BCAS3: variants seen among roughly 807,000 people sequenced by gnomAD.
BCAS3 encodes the protein BCAS3 microtubule associated cell migration factor, also known as BCAS4/BCAS3 fusion.
In BCAS3, 53 loss-of-function variants were observed where a neutral mutation model predicts 116.1. The ratio of observed to expected loss-of-function variants is 0.46; its 90% CI spans 0.37 to 0.57. The LOEUF is 0.57. Ranked by LOEUF, BCAS3 falls within the 20% of genes least tolerant of loss-of-function variation. BCAS3 has a pLI of 0.00. For missense variants in BCAS3, 917 were observed against 1,165.4 expected, an observed-to-expected ratio of 0.79 and a Z score of 3.10; for synonymous variants, 391 against 408.2, an observed-to-expected ratio of 0.96 and a Z score of 0.51.
intron 22 of BCAS3, among the ~76,000 whole-genome samples, chr17:61,330,735 C>A (rs1274956259): frequency 1.3e-5 from 2 of 152,210 alleles, no homozygotes; most frequent in African/African-American, 4.8e-5. Flanking sequence ...AGGACTCCGG[C>A]AGCAATGGCC....
intron 22 of BCAS3, among the ~76,000 whole-genome samples, chr17:61,280,115 C>T (rs1568740508): frequency 6.6e-6 from 1 of 152,136 alleles, no homozygotes; most frequent in South Asian, 2.1e-4. Flanking sequence ...TACTCCAAAC[C>T]TCTTCCTTTA....
chr17:61,192,029 G>A (rs901243974), intron 22 of BCAS3, among the ~76,000 whole-genome samples: 5 of 151,878 alleles, frequency 3.3e-5, no homozygotes, highest in African/African-American at 1.2e-4. Context: ...TGGATCACCT[G>A]AGGTCAGGAG....
rs2082436939 is a variant in BCAS3, at chr17:61,227,624, GC to G, written c.2426-140701del. 6.6e-6 allele frequency among the ~76,000 whole-genome samples: 1 copy of G among 152,232 alleles called. No homozygotes were observed. Among genetic ancestry groups the G allele is most frequent in the African/African-American group, 2.4e-5 (1 of 41,466 alleles). ...CACATGGCCGAGAGACAGGTGGGAA[GC>G]CAAGGAAGAATAAATTGGGCATAGG... On this transcript the variant is annotated intron_variant, in intron 22 of 23. Transcript: ENST00000407086. The surrounding 1 kb of genome is among the most constrained non-coding windows in gnomAD (Gnocchi z 6.1).
Position 61,023,927 on chromosome 17 carries a change from G to GA in BCAS3, c.1637+8030dup, listed in dbSNP as rs1399476732. On this transcript the variant is annotated intron_variant, in intron 16 of 23. Transcript: ENST00000407086. The surrounding 1 kb of genome is among the most constrained non-coding windows in gnomAD (Gnocchi z 4.8). ...GCCTGCTAAAATTTAATGGTGATTGGAAAACACCAATTATTCGAGTTTGAA... is the reference window on the plus strand; with the variant it reads ...GCCTGCTAAAATTTAATGGTGATTGGAAAAACACCAATTATTCGAGTTTGAA... Among the ~76,000 whole-genome samples, 1 of 152,086 alleles carries GA rather than the reference G, an allele frequency of 6.6e-6. No homozygotes were observed. Among genetic ancestry groups the GA allele is most frequent in the Non-Finnish European group, 1.5e-5 (1 of 67,986 alleles).
chr17:60,963,647 C>T (rs2061518740), intron 14 of BCAS3, among the ~76,000 whole-genome samples: 1 of 151,734 alleles, frequency 6.6e-6, no homozygotes, highest in East Asian at 1.9e-4. Context: ...GCTCCGCCTC[C>T]CAGGTTCATG....
At chr17:60,730,574 A>T (rs1286135105) in intron 5 of BCAS3, among the ~76,000 whole-genome samples, 14 of 152,194 alleles carry the variant, frequency 9.2e-5, no homozygotes, top group Admixed American at 7.9e-4. Context: ...AAAACAAAAC[A>T]AAACAAAAAA....
intron 6 of BCAS3, among the ~76,000 whole-genome samples, chr17:60,760,808 C>G (rs1246546794): frequency 6.6e-6 from 1 of 152,090 alleles, no homozygotes; most frequent in Non-Finnish European, 1.5e-5. Context: ...TTTTCTAACC[C>G]TTTCATTCTA....
At position 61,381,371 on chromosome 17, in the gene BCAS3, C is replaced by T. The variant is rs1019762708; in HGVS notation, c.2594-10606C>T. Reference sequence around the variant, plus strand: ...AAAGGCAGACCGGCATCAGCCAGGCCGTTTCCATCTGGACGGGCGGCGGCA... The same window carrying T: ...AAAGGCAGACCGGCATCAGCCAGGCTGTTTCCATCTGGACGGGCGGCGGCA... On this transcript the variant is annotated intron_variant, in intron 23 of 23. Transcript: ENST00000407086. The surrounding 1 kb of genome is among the most constrained non-coding windows in gnomAD (Gnocchi z 6.0). Among the ~76,000 whole-genome samples the T allele has an allele frequency of 1.3e-5, 2 of 152,194 alleles. No individual in the cohort carries two copies. Among genetic ancestry groups the T allele is most frequent in the Non-Finnish European group, 2.9e-5 (2 of 68,044 alleles).
At chr17:60,838,467 C>G (rs902846646) in intron 7 of BCAS3, among the ~76,000 whole-genome samples, 1 of 150,958 alleles carries the variant, frequency 6.6e-6, no homozygotes, top group Non-Finnish European at 1.5e-5. Flanking sequence ...TCATATTTCC[C>G]CACAACAACT....
At chr17:60,720,069 CAG>C (rs1413919119) in intron 5 of BCAS3, 3 of 152,172 alleles carry the variant, frequency 2.0e-5, no homozygotes, top group Non-Finnish European at 4.4e-5. Context: ...CTTAAAGTTT[CAG>C]TGGTAAAAGT....
In BCAS3 at chr17:61,084,437, A is replaced by G. The variant is rs370426266; in HGVS notation, c.2328-30A>G. ...AAGTGACAGTTTTGATGCCAGTAAC[A>G]TATGTGAATTAAATTAAATTGCATT... On this transcript the variant is annotated intron_variant, in intron 21 of 23. Transcript: ENST00000407086. The surrounding 1 kb of genome is among the most constrained non-coding windows in gnomAD (Gnocchi z 5.5). The G allele has an allele frequency of 4.7e-5, 73 of 1,564,622 alleles. No homozygotes were observed. The highest frequency in any genetic ancestry group is 6.7e-5 in the East Asian group (3 of 44,512).
chr17:60,940,154 C>G (rs905890736), intron 13 of BCAS3, among the ~76,000 whole-genome samples: 1 of 152,110 alleles, frequency 6.6e-6, no homozygotes, highest in Admixed American at 6.5e-5. Flanking sequence ...CAGTTGTTCA[C>G]TTTATATAGA....
intron 22 of BCAS3, among the ~76,000 whole-genome samples, chr17:61,114,165 T>C (rs2075276805): frequency 1.5e-5 from 2 of 131,704 alleles, no homozygotes; most frequent in African/African-American, 5.6e-5. Flanking sequence ...AGCATTCCCT[T>C]TGAAAACTGG....
chr17:61,322,814 G>GAGAGAGAGAGAGAC (rs2055362794), intron 22 of BCAS3, among the ~76,000 whole-genome samples: 4 of 130,950 alleles, frequency 3.1e-5, no homozygotes, highest in African/African-American at 1.2e-4. Context: ...GAGAGAGAGA[G>GAGAGAGAGAGAGAC]AGAGAGAGAG....
rs1016981084 is a variant in BCAS3 at position 61,088,352 on chromosome 17, C to A, written c.2425+3788C>A. Among the ~76,000 whole-genome samples the A allele has an allele frequency of 1.3e-5, 2 of 152,184 alleles. No individual in the cohort carries two copies. Among genetic ancestry groups the A allele is most frequent in the East Asian group, 1.9e-4 (1 of 5,198 alleles). The stretch of plus-strand genomic sequence containing the variant: ...TACCCAGAACAAATGGGATTTGGGG[C>A]AGTTGCTCACTTTTTCCCATATCCA... On this transcript the variant is annotated intron_variant, in intron 22 of 23. Coordinates refer to ENST00000407086, the MANE Select transcript of BCAS3 (RefSeq NM_017679.5). This position sits in a 1 kb window ranked among gnomAD's most constrained non-coding sequence, Gnocchi z 4.2.
At chr17:60,778,770 T>C (rs2045531747) in intron 6 of BCAS3, among the ~76,000 whole-genome samples, 1 of 152,210 alleles carries the variant, frequency 6.6e-6, no homozygotes, top group Non-Finnish European at 1.5e-5. Context: ...ATGATACATC[T>C]ACCATGTAAA....
chr17:61,299,802 G>A (rs1409571455), intron 22 of BCAS3, among the ~76,000 whole-genome samples: 1 of 152,220 alleles, frequency 6.6e-6, no homozygotes, highest in African/African-American at 2.4e-5. Flanking sequence ...TCCTAGGACA[G>A]GGAGTGCAGC....
intron 6 of BCAS3, among the ~76,000 whole-genome samples, chr17:60,802,353 CACAT>C (rs200400419): frequency 2.3e-3 from 321 of 141,280 alleles, no homozygotes; most frequent in African/African-American, 7.0e-3. Context: ...CAAATACACA[CACAT>C]ACATACATAC....
At chr17:60,813,107 T>C (rs1485884846) in intron 7 of BCAS3, among the ~76,000 whole-genome samples, 8 of 152,152 alleles carry the variant, frequency 5.3e-5, no homozygotes, top group Non-Finnish European at 1.2e-4. Context: ...CAGTTAGTCA[T>C]GGACCCAGGC....
Sources: allele counts gnomAD v4.1 joint callset (sites outside exome capture counted in the v4.1 genomes callset), GRCh38; gene constraint gnomAD v4.1.1; non-coding constraint Gnocchi (gnomAD v3.1); transcripts MANE v1.5; gene names NCBI Gene and HGNC (gene_info 2026-07-23, HGNC 2026-07-21).